ARHGAP12: variants seen among roughly 807,000 people sequenced by gnomAD.
The protein encoded by ARHGAP12 is rho GTPase-activating protein 12.
In ARHGAP12, 64 loss-of-function variants were observed where a neutral mutation model predicts 108.6. The observed-to-expected ratio is 0.59, with a 90% CI of 0.48 to 0.73. The LOEUF is 0.73. Among genes scored for constraint, ARHGAP12 ranks in the 30% least tolerant of loss-of-function variants. The probability of loss-of-function intolerance (pLI) is 0.00; values close to 1 mark genes in which losing one functional copy is unlikely to be tolerated. For synonymous variants in ARHGAP12, 312 were observed against 337.2 expected, an observed-to-expected ratio of 0.93 and a Z score of 0.82; for missense variants, 940 against 1,005.9, an observed-to-expected ratio of 0.93 and a Z score of 0.89.
At chr10:31,832,189 A>G (rs1835859299) in intron 9 of ARHGAP12, among the ~76,000 whole-genome samples, 1 of 152,214 alleles carries the variant, frequency 6.6e-6, no homozygotes, top group Non-Finnish European at 1.5e-5. Flanking sequence ...TTTTACAACT[A>G]TATAATCTGA....
chr10:31,809,036 G>A lies in ARHGAP12; in HGVS notation c.2221C>T (p.Leu741Phe). The change falls in exon 18 of 20, where the codon CTT becomes TTT. Residue 741 changes from leucine to phenylalanine, a missense_variant. Coordinates refer to ENST00000344936, the MANE Select transcript of ARHGAP12 (RefSeq NM_018287.7). ...KMFFRELPEP[L>F]FTFNHFNDFV... is the part of the protein sequence containing the mutation. The stretch of plus-strand genomic sequence containing the variant: ...TCATTAAAATGATTAAATGTAAAAA[G>A]AGGTTCTGGTAATTCTCGAAAAAAC... 1 of 1,599,106 alleles carries A rather than the reference G, an allele frequency of 6.3e-7. No individual in the cohort carries two copies. Among genetic ancestry groups the A allele is most frequent in the Non-Finnish European group, 8.6e-7 (1 of 1,167,828 alleles).
intron 1 of ARHGAP12, among the ~76,000 whole-genome samples, chr10:31,917,131 G>A (rs888071178): frequency 4.6e-5 from 7 of 151,714 alleles, no homozygotes; most frequent in African/African-American, 9.7e-5. Context: ...ATCCCAGGCC[G>A]GGCGCGATGG....
intron 3 of ARHGAP12, among the ~76,000 whole-genome samples, chr10:31,900,187 G>T (rs1432379263): frequency 4.6e-5 from 7 of 152,096 alleles, no homozygotes; most frequent in Admixed American, 1.3e-4. Flanking sequence ...TATTAGAATG[G>T]GTGAAATCCA....
intron 11 of ARHGAP12, among the ~76,000 whole-genome samples, chr10:31,822,947 C>T (rs569539173): frequency 6.6e-6 from 1 of 152,268 alleles, no homozygotes; most frequent in African/African-American, 2.4e-5. Flanking sequence ...AAATAATTAT[C>T]TAGCCCAAAA....
intron 1 of ARHGAP12, among the ~76,000 whole-genome samples, chr10:31,920,534 C>CATT (rs1246974282): frequency 5.4e-5 from 8 of 149,288 alleles, no homozygotes; most frequent in African/African-American, 2.0e-4. Flanking sequence ...TCCCTCAGCA[C>CATT]ATTTTGTCAT....
At chr10:31,893,103 G>A (rs1838524580) in intron 3 of ARHGAP12, among the ~76,000 whole-genome samples, 1 of 152,212 alleles carries the variant, frequency 6.6e-6, no homozygotes, top group South Asian at 2.1e-4. Flanking sequence ...TTAAAGCAGT[G>A]TGTAAAGGGA....
At chr10:31,826,461 T>G in intron 10 of ARHGAP12, 76 bp from the exon 11 acceptor site, 8 of 1,134,228 alleles carry the variant, frequency 7.1e-6, no homozygotes, top group Non-Finnish European at 1.0e-5. Flanking sequence ...TAAGACCTAC[T>G]TAGCTCTTAT....
intron 9 of ARHGAP12, among the ~76,000 whole-genome samples, chr10:31,836,054 T>C (rs1836004237): frequency 1.3e-5 from 2 of 152,108 alleles, no homozygotes; most frequent in Admixed American, 1.3e-4. Context: ...TCAATGGATA[T>C]AAAAAGAATT....
chr10:31,899,797 T>C (rs1290104971), intron 3 of ARHGAP12, among the ~76,000 whole-genome samples: 2 of 152,060 alleles, frequency 1.3e-5, no homozygotes, highest in African/African-American at 4.8e-5. Context: ...AAAATCTAGG[T>C]GACTTTTGGT....
chr10:31,841,524 T>C (rs1222666472), intron 7 of ARHGAP12, among the ~76,000 whole-genome samples: 1 of 152,176 alleles, frequency 6.6e-6, no homozygotes, highest in Non-Finnish European at 1.5e-5. Flanking sequence ...CAGCTTCCAG[T>C]CAGCCACCTG....
Position 31,814,260 on chromosome 10 carries a change from A to G in ARHGAP12, c.1833T>C (p.Arg611=). 10 of 1,613,218 alleles carry G rather than the reference A, an allele frequency of 6.2e-6. No homozygotes were observed. The highest frequency in any genetic ancestry group is 8.5e-6 in the Non-Finnish European group (10 of 1,179,230). ...CAAAATAGGGAAAGGACAACTTACA[A>G]CGAAGCTTTTTGGGATCCTTTTGTT... is the stretch of plus-strand genomic sequence containing the variant. The part of the protein sequence containing the change: ...EKEQKDPKKL[R]SFKVSSIDSS... Residue 611 remains arginine (R), a splice_region_variant and synonymous_variant, in exon 14 of 20, where the codon CGT becomes CGC. Transcript: ENST00000344936.
At chr10:31,818,987 T>G (rs910546920) in intron 12 of ARHGAP12, among the ~76,000 whole-genome samples, 2 of 152,168 alleles carry the variant, frequency 1.3e-5, no homozygotes, top group African/African-American at 4.8e-5. Flanking sequence ...GAATGTTTAC[T>G]GCACATAAGA....
At chr10:31,923,197 T>C (rs1240209355) in intron 1 of ARHGAP12, among the ~76,000 whole-genome samples, 1 of 143,634 alleles carries the variant, frequency 7.0e-6, no homozygotes, top group East Asian at 2.0e-4. Flanking sequence ...CTATAGATGG[T>C]AAATAGGCTC....
chr10:31,850,901 T>C lies in ARHGAP12; in HGVS notation c.1170+1616A>G, dbSNP rs569359558. 9.9e-5 allele frequency among the ~76,000 whole-genome samples: 15 copies of C among 152,222 alleles called. 2 individuals carry two copies. The highest frequency in any genetic ancestry group is 3.6e-4 in the African/African-American group (15 of 41,574). Reference sequence around the variant, plus strand: ...AATTAATAATAATGAAAATGAAAAATATCCACAAATGTTTTATTGAATTGT... The same window carrying C: ...AATTAATAATAATGAAAATGAAAAACATCCACAAATGTTTTATTGAATTGT... On this transcript the variant is annotated intron_variant, in intron 6 of 19. Coordinates refer to ENST00000344936, the MANE Select transcript of ARHGAP12 (RefSeq NM_018287.7).
rs142510766 is a variant in ARHGAP12, at chr10:31,908,370, G to A, written c.486C>T (p.Asp162=). 4.0e-4 allele frequency: 639 copies of A among 1,614,062 alleles called. 1 individual carries two copies. The highest frequency in any genetic ancestry group is 5.3e-4 in the Non-Finnish European group (620 of 1,180,038). ...LTHNNGKFNN[D]SHSPKVSSQN... is the part of the protein sequence containing the mutation. Reference sequence around the variant, plus strand: ...GGCTGGAAACTTTAGGAGAATGTGAGTCATTGTTAAACTTTCCGTTATTAT... The same window carrying A: ...GGCTGGAAACTTTAGGAGAATGTGAATCATTGTTAAACTTTCCGTTATTAT... Residue 162 remains aspartate (D), a synonymous_variant, in exon 3 of 20, where the codon GAC becomes GAT. Transcript: ENST00000344936.
intron 3 of ARHGAP12, among the ~76,000 whole-genome samples, chr10:31,902,121 T>C (rs1361515313): frequency 6.6e-6 from 1 of 152,112 alleles, no homozygotes; most frequent in Non-Finnish European, 1.5e-5. Flanking sequence ...AATCAGTTTA[T>C]CTGATTTCGA....
chr10:31,838,708 G>C (rs980342651), intron 9 of ARHGAP12, among the ~76,000 whole-genome samples: 2 of 151,754 alleles, frequency 1.3e-5, no homozygotes, highest in Admixed American at 6.6e-5. Flanking sequence ...GCGCATGCCT[G>C]TGATCCCAGC....
At chr10:31,925,497 A>C (rs1185361357) in intron 1 of ARHGAP12, among the ~76,000 whole-genome samples, 1 of 152,232 alleles carries the variant, frequency 6.6e-6, no homozygotes, top group East Asian at 1.9e-4. Flanking sequence ...ACACTGACAC[A>C]TAACAATTTC....
intron 6 of ARHGAP12, 76 bp from the exon 7 acceptor site, chr10:31,843,662 G>A (rs1244350085): frequency 1.4e-6 from 2 of 1,451,052 alleles, no homozygotes; most frequent in African/African-American, 1.4e-5. Context: ...TAAACATCTT[G>A]GCTCCAAATG....
Sources: allele counts gnomAD v4.1 joint callset (sites outside exome capture counted in the v4.1 genomes callset), GRCh38; gene constraint gnomAD v4.1.1; transcripts MANE v1.5; gene names NCBI Gene and HGNC (gene_info 2026-07-23, HGNC 2026-07-21).